The following MBD5 variants were observed in gnomAD, a reference collection of about 807,000 sequenced individuals.
The protein encoded by MBD5 is methyl-CpG binding domain protein 5, also known as methyl-CpG-binding domain protein 5.
Under a neutral mutation model 117.3 loss-of-function variants are expected in MBD5, and 13 were observed. The ratio of observed to expected loss-of-function variants is 0.11; its 90% CI spans 0.07 to 0.18. MBD5 has a LOEUF of 0.18. MBD5 is among the 10% of genes least tolerant of loss of function. MBD5 has a pLI of 1.00. For synonymous variants in MBD5, 727 were observed against 766.4 expected (o/e 0.95, Z 0.85); for missense variants, 1,879 against 2,093.8 (o/e 0.90, Z 2.00).
At chr2:148,440,099 T>C (rs549245349) in intron 4 of MBD5, among the ~76,000 whole-genome samples, 1 of 152,246 alleles carries the variant, frequency 6.6e-6, no homozygotes, top group African/African-American at 2.4e-5. Context: ...GAATTTTTAC[T>C]AATGAATCTT....
At chr2:148,363,328 G>GT (rs1040300968) in intron 4 of MBD5, among the ~76,000 whole-genome samples, 1 of 152,170 alleles carries the variant, frequency 6.6e-6, no homozygotes, top group Admixed American at 6.5e-5. Context: ...CACCTCCTGG[G>GT]TTCACACCAT....
intron 1 of MBD5, among the ~76,000 whole-genome samples, chr2:148,023,686 GA>G (rs1693827015): frequency 6.6e-6 from 1 of 152,058 alleles, no homozygotes; most frequent in South Asian, 2.1e-4. Flanking sequence ...GAATTATGTA[GA>G]TAATTGGGGT....
intron 3 of MBD5, among the ~76,000 whole-genome samples, chr2:148,307,002 A>G (rs1701910015): frequency 6.6e-6 from 1 of 152,294 alleles, no homozygotes; most frequent in Non-Finnish European, 1.5e-5. Flanking sequence ...AATGTAGGGT[A>G]ACATCCTTCT....
chr2:148,411,983 A>G (rs1391824882), intron 4 of MBD5, among the ~76,000 whole-genome samples: 1 of 152,024 alleles, frequency 6.6e-6, no homozygotes, highest in Non-Finnish European at 1.5e-5. Context: ...TTTATAGTTT[A>G]AAGTTTTACA....
chr2:148,431,206 C>A (rs1705972719), intron 4 of MBD5, among the ~76,000 whole-genome samples: 1 of 152,036 alleles, frequency 6.6e-6, no homozygotes, highest in Non-Finnish European at 1.5e-5. Context: ...TAAAACTTTT[C>A]TTTCAACTTA....
chr2:148,445,236 A>T (rs1045951469), intron 4 of MBD5, among the ~76,000 whole-genome samples: 2 of 151,110 alleles, frequency 1.3e-5, no homozygotes, highest in African/African-American at 4.9e-5. Flanking sequence ...TGCTGCACCC[A>T]TTAACTCGTC....
intron 8 of MBD5, among the ~76,000 whole-genome samples, chr2:148,476,937 A>T (rs907449090): frequency 6.6e-6 from 1 of 152,146 alleles, no homozygotes; most frequent in Non-Finnish European, 1.5e-5. Flanking sequence ...CCAGCAAGAG[A>T]CTTATACTCT....
chr2:148,314,351 C>A (rs989726521), intron 3 of MBD5, among the ~76,000 whole-genome samples: 19 of 147,136 alleles, frequency 1.3e-4, no homozygotes, highest in Non-Finnish European at 2.5e-4. Flanking sequence ...AACTTATGTT[C>A]AGCAATTAAT....
At chr2:148,239,976 T>C (rs1700178180) in intron 3 of MBD5, among the ~76,000 whole-genome samples, 1 of 152,206 alleles carries the variant, frequency 6.6e-6, no homozygotes, top group South Asian at 2.1e-4. Context: ...CATATGTTTA[T>C]TGCGGCACTA....
chr2:148,327,521 C>G (rs1702492144), intron 3 of MBD5, among the ~76,000 whole-genome samples: 1 of 152,108 alleles, frequency 6.6e-6, no homozygotes, highest in Non-Finnish European at 1.5e-5. Context: ...TCCCATATTT[C>G]TTGGAGGCTT....
chr2:148,101,876 G>A (rs1178251677), intron 1 of MBD5, among the ~76,000 whole-genome samples: 1 of 152,128 alleles, frequency 6.6e-6, no homozygotes, highest in Non-Finnish European at 1.5e-5. Context: ...TAATATCTAT[G>A]TCTGTGTGAG....
Position 148,259,879 on chromosome 2 carries a change from C to G in MBD5, c.-680+26484C>G, listed in dbSNP as rs1309868434. Among the ~76,000 whole-genome samples the G allele has an allele frequency of 3.3e-5, 5 of 152,152 alleles. No homozygotes were observed. The East Asian group carries it at 9.6e-4, about 29-fold the overall frequency. ...CTGACTGAAGCGCAGCCATTTCCCT[C>G]ACAGCTATGTAAATACCTTGATTTA... On this transcript the variant is annotated intron_variant, in intron 3 of 13. Coordinates refer to ENST00000642680, the MANE Select transcript of MBD5 (RefSeq NM_001378120.1).
intron 4 of MBD5, among the ~76,000 whole-genome samples, chr2:148,444,581 A>G (rs924463713): frequency 6.6e-6 from 1 of 151,298 alleles, no homozygotes; most frequent in Non-Finnish European, 1.5e-5. Flanking sequence ...AAAATCTTCA[A>G]TATTAATCTT....
chr2:148,291,453 T>C lies in MBD5; in HGVS notation c.-679-50761T>C, dbSNP rs183291502. 3.3e-5 allele frequency among the ~76,000 whole-genome samples: 5 copies of C among 152,346 alleles called. No individual in the cohort carries two copies. The East Asian group carries it at 9.6e-4, about 29-fold the overall frequency. ...ATTCACAAATATTTTAATTTTTTAA[T>C]AGAATTTTCGATGGAATTGTTTTAT... On this transcript the variant is annotated intron_variant, in intron 3 of 13. Coordinates refer to ENST00000642680, the MANE Select transcript of MBD5 (RefSeq NM_001378120.1).
In MBD5 at chr2:148,515,483, G is replaced by A. The variant is rs189909702; in HGVS notation, c.*2542G>A. ...AATGTAAATATTGTTAGCATTACAG[G>A]TCATACAGTGCTGTAACATTTTTTT... is the stretch of plus-strand genomic sequence containing the variant. On this transcript the variant is annotated 3_prime_UTR_variant, in exon 14 of 14. Coordinates refer to ENST00000642680, the MANE Select transcript of MBD5 (RefSeq NM_001378120.1). The A allele has an allele frequency of 2.6e-4, 39 of 152,194 alleles. No individual in the cohort carries two copies. The highest frequency in any genetic ancestry group is 9.4e-4 in the African/African-American group (39 of 41,522). 9.4% of individuals were successfully genotyped at this position (152,194 alleles called of 1,614,324 possible). A position where few individuals can be genotyped will look rare whatever the true frequency, so the allele number is the denominator to read the frequency against.
intron 4 of MBD5, among the ~76,000 whole-genome samples, chr2:148,441,375 G>C (rs1463086049): frequency 6.6e-6 from 1 of 151,912 alleles, no homozygotes; most frequent in African/African-American, 2.4e-5. Flanking sequence ...TTGTCCTTGC[G>C]ATAGTTTGCT....
intron 1 of MBD5, among the ~76,000 whole-genome samples, chr2:148,052,054 T>G (rs2105764656): frequency 6.6e-6 from 1 of 152,106 alleles, no homozygotes; most frequent in South Asian, 2.1e-4. Flanking sequence ...TTTTTTTTCT[T>G]GGGTAGTCTA....
At chr2:148,302,125 T>C (rs1159069949) in intron 3 of MBD5, among the ~76,000 whole-genome samples, 1 of 152,156 alleles carries the variant, frequency 6.6e-6, no homozygotes, top group Non-Finnish European at 1.5e-5. Context: ...AGTTCAAAAA[T>C]AACATAAAGC....
chr2:148,378,436 C>G (rs2105414517), intron 4 of MBD5, among the ~76,000 whole-genome samples: 2 of 152,044 alleles, frequency 1.3e-5, no homozygotes, highest in South Asian at 4.1e-4. Flanking sequence ...CTTTTACTGC[C>G]TAATAAGTTA....
Sources: allele counts gnomAD v4.1 joint callset (sites outside exome capture counted in the v4.1 genomes callset), GRCh38; gene constraint gnomAD v4.1.1; transcripts MANE v1.5; gene names NCBI Gene and HGNC (gene_info 2026-07-23, HGNC 2026-07-21).